DSC3: variants seen among roughly 807,000 people sequenced by gnomAD.
The protein encoded by DSC3 is desmocollin-3.
DSC3 carries 97 observed loss-of-function variants against 89.5 expected under a neutral mutation model. The observed-to-expected ratio is 1.08, with a 90% CI of 0.92 to 1.28. The LOEUF (loss-of-function observed/expected upper bound fraction) is 1.28. Ranked by LOEUF, DSC3 falls within the 50% of genes most tolerant of loss-of-function variation. The pLI is 0.00. For missense variants in DSC3, 1,199 were observed against 1,085.3 expected (o/e 1.10, Z -1.47); for synonymous variants, 436 against 384.1 (o/e 1.14, Z -1.58).
chr18:31,030,179 T>G (rs1199061529), intron 3 of DSC3, among the ~76,000 whole-genome samples: 1 of 152,198 alleles, frequency 6.6e-6, no homozygotes. Flanking sequence ...ACATGCCAAG[T>G]GCAGAGTAGC....
chr18:31,005,403 AG>A (rs1383121350), intron 12 of DSC3, among the ~76,000 whole-genome samples: 1 of 152,164 alleles, frequency 6.6e-6, no homozygotes, highest in Non-Finnish European at 1.5e-5. Flanking sequence ...CACCTTTAAA[AG>A]ATGTAAATCT....
In DSC3 at chr18:31,025,754, T is replaced by C. The variant is rs544147188; in HGVS notation, c.630+6A>G. ...TTAAAGTCAGGCATATCAATAAAAGTCCTACATCAAAAACATCATATTCTT... is the reference window on the plus strand; with the variant it reads ...TTAAAGTCAGGCATATCAATAAAAGCCCTACATCAAAAACATCATATTCTT... On this transcript the variant is annotated splice_donor_region_variant and intron_variant, in intron 5 of 15. Transcript: ENST00000360428. 5 of 1,612,498 alleles carry C rather than the reference T, an allele frequency of 3.1e-6. No homozygotes were observed. The East Asian group carries it at 6.7e-5, about 22-fold the overall frequency.
At chr18:31,030,472 G>A (rs1427266526) in intron 3 of DSC3, among the ~76,000 whole-genome samples, 3 of 152,170 alleles carry the variant, frequency 2.0e-5, no homozygotes, top group Non-Finnish European at 4.4e-5. Flanking sequence ...ATTCCTCACT[G>A]TAAAGGTTTT....
chr18:31,000,985 T>C (rs938142178), intron 14 of DSC3, among the ~76,000 whole-genome samples: 2 of 150,874 alleles, frequency 1.3e-5, no homozygotes, highest in Non-Finnish European at 3.0e-5. Flanking sequence ...TGTATATATA[T>C]ATATTTTGTG....
intron 5 of DSC3, among the ~76,000 whole-genome samples, chr18:31,025,548 T>C (rs1257852853): frequency 6.6e-6 from 1 of 152,128 alleles, no homozygotes; most frequent in African/African-American, 2.4e-5. Flanking sequence ...GTTCAAATAT[T>C]GAACCTCTTT....
At chr18:31,021,596 T>C (rs1410728156) in intron 7 of DSC3, among the ~76,000 whole-genome samples, 6 of 152,200 alleles carry the variant, frequency 3.9e-5, no homozygotes, top group Admixed American at 2.6e-4. Flanking sequence ...GTGGGAAACA[T>C]TGAACTATTC....
At position 30,994,183 on chromosome 18, in the gene DSC3, T is replaced by C. The variant is rs781645715; in HGVS notation, c.2683A>G (p.Lys895Glu). ...KFITLAEACTKR is the reference protein window; with the variant it reads ...KFITLAEACTER ...ATTGTAGCACTGTGACATTATCTCT[T>C]TGTGCATGCTTCTGCTAATGTAATA... Residue 895 changes from lysine to glutamate, a missense_variant, in exon 16 of 16, where the codon AAG becomes GAG. Coordinates refer to ENST00000360428, the MANE Select transcript of DSC3 (RefSeq NM_001941.5). 3.1e-6 allele frequency: 5 copies of C among 1,613,788 alleles called. No individual in the cohort carries two copies. The African/African-American group carries it at 5.3e-5, about 17-fold the overall frequency.
chr18:31,013,748 A>G (rs1016118742), intron 9 of DSC3, among the ~76,000 whole-genome samples: 1 of 152,134 alleles, frequency 6.6e-6, no homozygotes, highest in Non-Finnish European at 1.5e-5. Flanking sequence ...ACTTGATAAT[A>G]TAGTTGGCAA....
At chr18:31,025,371 A>G (rs1985561956) in intron 5 of DSC3, among the ~76,000 whole-genome samples, 1 of 152,170 alleles carries the variant, frequency 6.6e-6, no homozygotes, top group Admixed American at 6.6e-5. Flanking sequence ...ACAAAAATGG[A>G]AGTAAGAACA....
At chr18:31,013,139 A>G (rs934144621) in intron 9 of DSC3, among the ~76,000 whole-genome samples, 2 of 152,212 alleles carry the variant, frequency 1.3e-5, no homozygotes, top group Non-Finnish European at 2.9e-5. Flanking sequence ...ATACAGCAGC[A>G]TATAGATGCT....
At chr18:31,003,686 A>G (rs1014749267) in intron 13 of DSC3, among the ~76,000 whole-genome samples, 2 of 152,172 alleles carry the variant, frequency 1.3e-5, no homozygotes, top group African/African-American at 4.8e-5. Context: ...TCTAGGCTGG[A>G]GGAGGTTAAC....
Position 31,018,686 on chromosome 18 carries a change from G to C in DSC3, c.1057C>G (p.Pro353Ala). 1 of 1,613,318 alleles carries C rather than the reference G, an allele frequency of 6.2e-7. No homozygotes were observed. The highest frequency in any genetic ancestry group is 8.5e-7 in the Non-Finnish European group (1 of 1,179,868). The change falls in exon 8 of 16, where the codon CCC becomes GCC. Residue 353 changes from proline to alanine, a missense_variant. Physicochemically the swap from Pro to Ala is conservative, Grantham distance 27. Transcript: ENST00000360428. ...ITVTDSNDNAPTFRQNAYEAF... is the reference protein window; with the variant it reads ...ITVTDSNDNAATFRQNAYEAF... The stretch of plus-strand genomic sequence containing the variant: ...CTTACAGCATTTTGTCTGAAAGTGG[G>C]TGCATTATCATTTGAATCTGTTACT...
At position 31,006,946 on chromosome 18, in the gene DSC3, G is replaced by A; in HGVS notation, c.1849C>T (p.Pro617Ser). 6.2e-7 allele frequency: 1 copy of A among 1,613,794 alleles called. No individual in the cohort carries two copies. Among genetic ancestry groups the A allele is most frequent in the Non-Finnish European group, 8.5e-7 (1 of 1,179,886 alleles). The change falls in exon 12 of 16, where the codon CCA becomes TCA. Residue 617 changes from proline to serine, a missense_variant. Transcript: ENST00000360428. The stretch of plus-strand genomic sequence containing the variant: ...AGGCTCCACAGTCTACTGATTTCTG[G>A]AGAAGTATTGGGCAAACTGAAATAA... ...PFYFSLPNTS[P>S]EISRLWSLTK...
Position 31,031,000 on chromosome 18 carries a change from A to G in DSC3, c.327T>C (p.Val109=), listed in dbSNP as rs1239074994. ...TCTTCTGATGTTCTAGCAGCACAGT[A>G]ACCTCTTTCTGTGTCTGTTTCCTTT... ...SDKRKQTQKE[V]TVLLEHQKKV... The change falls in exon 3 of 16, where the codon GTT becomes GTC. Residue 109 remains valine, a synonymous_variant. Transcript: ENST00000360428. 2.5e-6 allele frequency: 4 copies of G among 1,613,910 alleles called. No homozygotes were observed. Among genetic ancestry groups the G allele is most frequent in the Non-Finnish European group, 3.4e-6 (4 of 1,179,906 alleles).
At chr18:31,018,280 A>G in intron 8 of DSC3, 24 bp from the exon 9 acceptor site, 1 of 1,586,236 alleles carries the variant, frequency 6.3e-7, no homozygotes, top group Non-Finnish European at 8.6e-7. Flanking sequence ...AAGTCATTGA[A>G]AATTGAAATT....
intron 9 of DSC3, among the ~76,000 whole-genome samples, chr18:31,015,648 G>A (rs1036425381): frequency 1.3e-5 from 2 of 152,148 alleles, no homozygotes; most frequent in Non-Finnish European, 2.9e-5. Flanking sequence ...TTCTCCACAT[G>A]GATCTTGAAT....
chr18:30,999,044 T>G (rs910309326), intron 14 of DSC3, among the ~76,000 whole-genome samples: 1 of 152,098 alleles, frequency 6.6e-6, no homozygotes, highest in Non-Finnish European at 1.5e-5. Context: ...AATGAAAAAG[T>G]CTTCATTAAA....
chr18:31,003,120 C>A (rs890701989), intron 13 of DSC3, among the ~76,000 whole-genome samples: 6 of 152,254 alleles, frequency 3.9e-5, no homozygotes, highest in African/African-American at 1.4e-4. Flanking sequence ...CCGCCTGGCT[C>A]TTTCACCTCT....
Position 31,007,030 on chromosome 18 carries a change from T to A in DSC3, c.1765A>T (p.Met589Leu), listed in dbSNP as rs1567952068. 6.2e-7 allele frequency: 1 copy of A among 1,613,778 alleles called. No homozygotes were observed. Among genetic ancestry groups the A allele is most frequent in the Non-Finnish European group, 8.5e-7 (1 of 1,179,796 alleles). The change falls in exon 12 of 16, where the codon ATG becomes TTG. Residue 589 changes from methionine to leucine, a missense_variant. Transcript: ENST00000360428. ...QEYVVICKPK[M>L]GYTDILAVDP... ...ACAGCTAAAATGTCGGTATACCCCATTTTTGGTTTGCAAATGACTACATAT... is the reference window on the plus strand; with the variant it reads ...ACAGCTAAAATGTCGGTATACCCCAATTTTGGTTTGCAAATGACTACATAT...
Sources: gnomAD v4.1 joint callset for allele counts (sites outside exome capture counted in the v4.1 genomes callset) on GRCh38, gnomAD v4.1.1 for gene constraint, MANE v1.5 for transcripts, NCBI Gene and HGNC (gene_info 2026-07-23, HGNC 2026-07-21) for gene names.